The following MTERF4 variants were observed in gnomAD, a reference collection of about 807,000 sequenced individuals.
MTERF4 encodes transcription termination factor 4, mitochondrial.
Under a neutral mutation model 22.5 loss-of-function variants are expected in MTERF4, and 17 were observed. The observed-to-expected ratio is 0.75, with a 90% CI of 0.52 to 1.13. The LOEUF (loss-of-function observed/expected upper bound fraction) is 1.13. Ranked by LOEUF, MTERF4 falls within the 50% of genes most tolerant of loss-of-function variation. The probability of loss-of-function intolerance (pLI) is 0.00; values close to 1 mark genes in which losing one functional copy is unlikely to be tolerated. For synonymous variants in MTERF4, 165 were observed against 175.3 expected (o/e 0.94, Z 0.47); for missense variants, 420 against 466.8 (o/e 0.90, Z 0.92).
At chr2:241,069,010 G>A (rs759850715), downstream of MTERF4, 34 of 1,551,180 alleles carry the variant, frequency 2.2e-5, no homozygotes, top group Middle Eastern at 3.3e-4. The surrounding 1 kb of genome is among the most constrained non-coding windows in gnomAD (Gnocchi z 4.9). Flanking sequence ...CCGCGCCGAC[G>A]CACGTGTGGA....
chr2:241,096,057 C>T lies in MTERF4; in HGVS notation c.1087G>A (p.Glu363Lys). 1 of 1,613,220 alleles carries T rather than the reference C, an allele frequency of 6.2e-7. No individual in the cohort carries two copies. Reference sequence around the variant, plus strand: ...TTGTCCTCCGCCTCGTCGTCGTCCTCATCATCGTCATCCTCATCATTGTCA... The same window carrying T: ...TTGTCCTCCGCCTCGTCGTCGTCCTTATCATCGTCATCCTCATCATTGTCA... ...EDDNDEDDDD[E>K]DDDEAEDNDE... Residue 363 changes from glutamate (E) to lysine (K), a missense_variant, in exon 4 of 4, where the codon GAG becomes AAG. By Grantham distance (56) the Glu-to-Lys change is moderately conservative (BLOSUM62 1). Transcript: ENST00000391980. This position sits in a 1 kb window ranked among gnomAD's most constrained non-coding sequence, Gnocchi z 5.1.
chr2:241,081,789 G>C, intron 4 of MTERF4: 1 of 1,582,196 alleles, frequency 6.3e-7, no homozygotes. Flanking sequence ...GACGCTGCGA[G>C]CTCGGTAAGT....
the MTERF4 span, chr2:241,052,204 C>T: frequency 6.5e-7 from 1 of 1,549,092 alleles, no homozygotes. Context: ...GGTGAACCCT[C>T]TCTGCAGATG....
At chr2:241,063,714 C>T in the MTERF4 span, 2 of 1,500,722 alleles carry the variant, frequency 1.3e-6, no homozygotes, top group African/African-American at 2.8e-5. Context: ...GGGGCTCCCT[C>T]CAGTGGGCCC....
chr2:241,089,447 A>G, downstream of MTERF4: 1 of 1,546,032 alleles, frequency 6.5e-7, no homozygotes, highest in Non-Finnish European at 8.7e-7. Flanking sequence ...ATAGGCTCAC[A>G]CACACCAAAG....
chr2:241,095,923 G>C lies in MTERF4; in HGVS notation c.*75C>G, dbSNP rs1291822579. On this transcript the variant is annotated 3_prime_UTR_variant, in exon 4 of 4. Transcript: ENST00000391980. Reference sequence around the variant, plus strand: ...ATAACTTGAGAAGATTCAAGTAAAGGACCCAAAAGCTTTAAGAGAATGAAA... The same window carrying C: ...ATAACTTGAGAAGATTCAAGTAAAGCACCCAAAAGCTTTAAGAGAATGAAA... 3.3e-6 allele frequency: 5 copies of C among 1,528,812 alleles called. No individual in the cohort carries two copies. The highest frequency in any genetic ancestry group is 2.6e-5 in the South Asian group (2 of 75,488). 94.7% of individuals were successfully genotyped at this position (1,528,812 alleles called of 1,614,324 possible).
the MTERF4 span, chr2:241,053,142 G>A: frequency 2.0e-5 from 32 of 1,605,876 alleles, no homozygotes; most frequent in African/African-American, 8.0e-5. Flanking sequence ...ACAGGCTGCC[G>A]TGCCTTGCAG....
chr2:241,071,892 C>T (rs193209707), downstream of MTERF4: 3,846 of 1,586,188 alleles, frequency 2.4e-3, 11 homozygotes, highest in African/African-American at 0.012. Context: ...AGTGCCAGGG[C>T]CTCCCCACCC....
intron 4 of MTERF4, chr2:241,081,697 G>C (rs768274175): frequency 8.7e-6 from 14 of 1,607,306 alleles, no homozygotes; most frequent in Non-Finnish European, 1.2e-5. Flanking sequence ...CAACTGTTCA[G>C]AAAACCCCTG....
downstream of MTERF4, among the ~76,000 whole-genome samples, chr2:241,086,468 T>A (rs1471850223): frequency 6.6e-6 from 1 of 152,124 alleles, no homozygotes; most frequent in African/African-American, 2.4e-5. Flanking sequence ...TGTGATGCCA[T>A]CCAAAAACTT....
chr2:241,084,202 T>C (rs895515342), downstream of MTERF4, among the ~76,000 whole-genome samples: 4 of 150,330 alleles, frequency 2.7e-5, no homozygotes, highest in Admixed American at 2.7e-4. Flanking sequence ...GATGGTGCGA[T>C]CTTGGCTCAT....
At chr2:241,099,251 T>C in intron 2 of MTERF4, 145 bp downstream of exon 2, 1 of 882,506 alleles carries the variant, frequency 1.1e-6, no homozygotes, top group Non-Finnish European at 1.7e-6. Flanking sequence ...ATTTTTCTAT[T>C]TTTAGTTGAG....
the MTERF4 span, among the ~76,000 whole-genome samples, chr2:241,058,245 TA>T: frequency 2.0e-5 from 3 of 152,150 alleles, no homozygotes; most frequent in Non-Finnish European, 4.4e-5. Context: ...AAGATACAAT[TA>T]TTATAAATAT....
chr2:241,049,808 C>T, the MTERF4 span: 1 of 1,609,022 alleles, frequency 6.2e-7, no homozygotes, highest in South Asian at 1.1e-5. Context: ...CTCTGTCCCC[C>T]GCCCCCAGCC....
At chr2:241,085,405 G>A (rs973786378), downstream of MTERF4, among the ~76,000 whole-genome samples, 5 of 152,212 alleles carry the variant, frequency 3.3e-5, no homozygotes, top group African/African-American at 1.2e-4. Flanking sequence ...TTAATACTGT[G>A]TTTTATCATC....
At chr2:241,101,781 G>A (rs2064720032) in intron 1 of MTERF4, among the ~76,000 whole-genome samples, 2 of 152,230 alleles carry the variant, frequency 1.3e-5, no homozygotes, top group African/African-American at 2.4e-5. Context: ...GGCCGGGCGC[G>A]GTGGCTCACG....
rs1373394988 is a variant in MTERF4 at position 241,073,362 on chromosome 2, G to A, written n.2800C>T. 6.4e-7 allele frequency: 1 copy of A among 1,566,400 alleles called. No homozygotes were observed. On this transcript the variant is annotated non_coding_transcript_exon_variant, in exon 5 of 5. Coordinates refer to the MTERF4 transcript ENST00000464344. This position sits in a 1 kb window ranked among gnomAD's most constrained non-coding sequence, Gnocchi z 6.6. ...CCTGAACACGGCAGCAAGGACATCG[G>A]AAGTGAGTCAGCAGCGCTGGTGGGG... is the stretch of plus-strand genomic sequence containing the variant.
At chr2:241,074,207 A>G (rs1371233724) in exon 5 of MTERF4, 1 of 152,146 alleles carries the variant, frequency 6.6e-6, no homozygotes, top group Non-Finnish European at 1.5e-5. Flanking sequence ...CCAGCTTCTC[A>G]AGGACATGTG....
downstream of MTERF4, chr2:241,068,018 G>A (rs2062535532): frequency 2.1e-6 from 3 of 1,398,064 alleles, no homozygotes; most frequent in African/African-American, 1.4e-5. This position sits in a 1 kb window ranked among gnomAD's most constrained non-coding sequence, Gnocchi z 5.3. Context: ...ACGGGGCCCA[G>A]GTCTCGGGCA....
Sources: allele counts gnomAD v4.1 joint callset (sites outside exome capture counted in the v4.1 genomes callset), GRCh38; gene constraint gnomAD v4.1.1; non-coding constraint Gnocchi (gnomAD v3.1); transcripts MANE v1.5; gene names NCBI Gene and HGNC (gene_info 2026-07-23, HGNC 2026-07-21).